The following LAPTM4B variants were observed in gnomAD, a reference collection of about 807,000 sequenced individuals.
LAPTM4B encodes the protein lysosomal protein transmembrane 4 beta.
In LAPTM4B, 26 loss-of-function variants were observed where a neutral mutation model predicts 28.5. The observed-to-expected ratio is 0.91, with a 90% CI of 0.67 to 1.27. The LOEUF (loss-of-function observed/expected upper bound fraction) is 1.27, where lower values mean the gene tolerates loss of function less well. Among genes scored for constraint, LAPTM4B ranks in the 50% most tolerant of loss-of-function variants. The probability of loss-of-function intolerance (pLI) is 0.00; values close to 1 mark genes in which losing one functional copy is unlikely to be tolerated. For missense variants in LAPTM4B, 288 were observed against 285.8 expected, an observed-to-expected ratio of 1.01 and a Z score of -0.06; for synonymous variants, 109 against 106.4, an observed-to-expected ratio of 1.02 and a Z score of -0.15.
At chr8:97,797,966 A>G (rs7820975) in intron 1 of LAPTM4B, among the ~76,000 whole-genome samples, 72,565 of 151,998 alleles carry the variant, frequency 0.48, 17,907 homozygotes, top group African/African-American at 0.59. Context: ...GTTTGCTCAT[A>G]ACATAAAAAA....
intron 6 of LAPTM4B, among the ~76,000 whole-genome samples, chr8:97,849,925 C>T (rs1051031228): frequency 8.0e-5 from 12 of 149,720 alleles, no homozygotes; most frequent in Non-Finnish European, 1.6e-4. Flanking sequence ...GCCTCTCAGG[C>T]GGTTTCCAGA....
At position 97,819,214 on chromosome 8, in the gene LAPTM4B, T is replaced by G. The variant is rs534241928; in HGVS notation, c.483T>G (p.Phe161Leu). 1.9e-6 allele frequency: 3 copies of G among 1,596,226 alleles called. No homozygotes were observed. Among genetic ancestry groups the G allele is most frequent in the South Asian group, 1.1e-5 (1 of 90,448 alleles). ...PTCLVLIILLFISIILTFKGY... is the reference protein window; with the variant it reads ...PTCLVLIILLLISIILTFKGY... Reference sequence around the variant, plus strand: ...GTTTGGTCCTTATTATTCTTCTGTTTATTAGCATTATCTTGACTTTTAAGG... The same window carrying G: ...GTTTGGTCCTTATTATTCTTCTGTTGATTAGCATTATCTTGACTTTTAAGG... The change falls in exon 5 of 7, where the codon TTT becomes TTG. Residue 161 changes from phenylalanine (F) to leucine (L), a missense_variant. Transcript: ENST00000521545.
At position 97,834,932 on chromosome 8, in the gene LAPTM4B, C is replaced by T. The variant is rs180789218; in HGVS notation, c.603+9779C>T. Among the ~76,000 whole-genome samples the T allele has an allele frequency of 2.0e-3, 298 of 152,238 alleles. 2 individuals carry two copies. Among genetic ancestry groups the T allele is most frequent in the Middle Eastern group, 6.8e-3 (2 of 294 alleles). ...TTGGTTTCGGCTTTTTAAAGCAGGG[C>T]TCTGCATGTTTAAAGATTGTTTAGA... On this transcript the variant is annotated intron_variant, in intron 6 of 6. Transcript: ENST00000521545.
In LAPTM4B at chr8:97,825,169, C is replaced by T. The variant is rs1167204168; in HGVS notation, c.603+16C>T. On this transcript the variant is annotated intron_variant, in intron 6 of 6. Transcript: ENST00000521545. ...TGACACTACGGTAGGTATGATGTCA[C>T]TTATGGTAGAGATCTCGCCCACACC... is the stretch of plus-strand genomic sequence containing the variant. The T allele has an allele frequency of 6.8e-6, 9 of 1,331,216 alleles. No homozygotes were observed. The highest frequency in any genetic ancestry group is 9.7e-6 in the Non-Finnish European group (9 of 925,972). The allele number at this position is 1,331,216 out of a possible 1,614,324, so 82.5% of individuals were successfully genotyped here.
At chr8:97,843,001 C>T (rs1290181403) in intron 6 of LAPTM4B, among the ~76,000 whole-genome samples, 1 of 152,030 alleles carries the variant, frequency 6.6e-6, no homozygotes, top group Non-Finnish European at 1.5e-5. Flanking sequence ...GCCTCAGCCT[C>T]CTCAGTAGCT....
chr8:97,839,901 GC>G (rs1490051454), intron 6 of LAPTM4B, among the ~76,000 whole-genome samples: 2 of 152,180 alleles, frequency 1.3e-5, no homozygotes, highest in Non-Finnish European at 2.9e-5. Context: ...AAGGGAGGTG[GC>G]AGGGAAGGAT....
chr8:97,797,788 G>A (rs1179135034), intron 1 of LAPTM4B, among the ~76,000 whole-genome samples: 2 of 152,166 alleles, frequency 1.3e-5, no homozygotes, highest in Non-Finnish European at 2.9e-5. Context: ...TCTGATAGAT[G>A]ACTTATGGGT....
chr8:97,807,887 TAAAAAAAAA>T (rs58830867), intron 2 of LAPTM4B, among the ~76,000 whole-genome samples: 2 of 139,978 alleles, frequency 1.4e-5, no homozygotes, highest in Admixed American at 7.0e-5. Context: ...AGAGATAACT[TAAAAAAAAA>T]AAAAAAAAAA....
Position 97,835,758 on chromosome 8 carries a change from T to C in LAPTM4B, c.603+10605T>C, listed in dbSNP as rs531756382. Among the ~76,000 whole-genome samples the C allele has an allele frequency of 2.0e-5, 3 of 152,158 alleles. No homozygotes were observed. The East Asian group carries it at 5.8e-4, about 29-fold the overall frequency. On this transcript the variant is annotated intron_variant, in intron 6 of 6. Transcript: ENST00000521545. ...AGTGTTATGAAAATCACATGGTGGG[T>C]GTATATTGTGTAATACCACACTCTC...
intron 2 of LAPTM4B, among the ~76,000 whole-genome samples, chr8:97,814,329 G>T (rs929230698): frequency 6.6e-6 from 1 of 152,156 alleles, no homozygotes; most frequent in African/African-American, 2.4e-5. Flanking sequence ...GGCCAACATG[G>T]TGAAACCCCC....
chr8:97,815,354 C>G lies in LAPTM4B; in HGVS notation c.238C>G (p.Leu80Val). The G allele has an allele frequency of 6.2e-7, 1 of 1,614,060 alleles. No homozygotes were observed. The highest frequency in any genetic ancestry group is 1.3e-5 in the African/African-American group (1 of 75,026). ...ANMCIAIAIS[L>V]LMILICAMAT... ...CATGTGCATTGCCATTGCGATTTCT[C>G]TTCTCATGATCCTGATATGTGCTAT... is the stretch of plus-strand genomic sequence containing the variant. Residue 80 changes from leucine (L) to valine (V), a missense_variant, in exon 3 of 7, where the codon CTT becomes GTT. Physicochemically the swap from Leu to Val is conservative, Grantham distance 32 (BLOSUM62 1). Coordinates refer to ENST00000521545, the MANE Select transcript of LAPTM4B (RefSeq NM_018407.6).
intron 6 of LAPTM4B, among the ~76,000 whole-genome samples, chr8:97,834,158 A>AAAAAAAAAAAAAAAAAAAAAAAAAAAC (rs1817226479): frequency 6.7e-6 from 1 of 150,000 alleles, no homozygotes; most frequent in African/African-American, 2.4e-5. Context: ...AAAAAAAAAA[A>AAAAAAAAAAAAAAAAAAAAAAAAAAAC]TCCAGGTGGC....
chr8:97,812,247 T>C (rs1816845062), intron 2 of LAPTM4B, among the ~76,000 whole-genome samples: 2 of 138,612 alleles, frequency 1.4e-5, no homozygotes, highest in Admixed American at 8.1e-5. Flanking sequence ...TGAGTCGGAG[T>C]CTGACTCTGT....
intron 6 of LAPTM4B, among the ~76,000 whole-genome samples, chr8:97,838,570 G>A (rs890339464): frequency 1.3e-5 from 2 of 152,190 alleles, no homozygotes; most frequent in Admixed American, 6.5e-5. Context: ...CCTGCTAGTC[G>A]AGTGGCAGGA....
chr8:97,784,771 C>T (rs1816375917), intron 1 of LAPTM4B, among the ~76,000 whole-genome samples: 1 of 152,074 alleles, frequency 6.6e-6, no homozygotes, highest in Non-Finnish European at 1.5e-5. Flanking sequence ...ATTAAAATGG[C>T]AGGCTGTTTC....
At chr8:97,793,034 C>T (rs1816528869) in intron 1 of LAPTM4B, among the ~76,000 whole-genome samples, 1 of 72,710 alleles carries the variant, frequency 1.4e-5, no homozygotes, top group South Asian at 3.7e-4. Flanking sequence ...TAACTAGAAA[C>T]TCTAGAATGA....
intron 1 of LAPTM4B, among the ~76,000 whole-genome samples, chr8:97,790,828 C>A (rs1420128624): frequency 2.6e-5 from 4 of 152,216 alleles, no homozygotes; most frequent in African/African-American, 9.6e-5. Flanking sequence ...CAACTTTCGC[C>A]TCCTGGGTTC....
intron 6 of LAPTM4B, among the ~76,000 whole-genome samples, chr8:97,841,639 A>C (rs1285806795): frequency 1.3e-5 from 2 of 152,230 alleles, no homozygotes; most frequent in Non-Finnish European, 2.9e-5. Context: ...TCTTAAAGAT[A>C]AGCCCAGACT....
At chr8:97,781,274 C>T (rs1034616522) in intron 1 of LAPTM4B, among the ~76,000 whole-genome samples, 18 of 66,956 alleles carry the variant, frequency 2.7e-4, no homozygotes, top group East Asian at 4.4e-4. Context: ...CCACTGTGCC[C>T]GGCCTTTTTT....
Sources: allele counts gnomAD v4.1 joint callset (sites outside exome capture counted in the v4.1 genomes callset), GRCh38; gene constraint gnomAD v4.1.1; transcripts MANE v1.5; gene names NCBI Gene and HGNC (gene_info 2026-07-23, HGNC 2026-07-21).